CAV2: variants seen among roughly 807,000 people sequenced by gnomAD.
The protein encoded by CAV2 is caveolin-2.
In CAV2, 7 loss-of-function variants were observed where a neutral mutation model predicts 15.5. That is an observed-to-expected ratio of 0.45 (90% CI 0.26 to 0.85). The LOEUF (loss-of-function observed/expected upper bound fraction) is 0.85. Among genes scored for constraint, CAV2 ranks in the 40% least tolerant of loss-of-function variants. The probability of loss-of-function intolerance (pLI) is 0.18; values close to 1 mark genes in which losing one functional copy is unlikely to be tolerated. For missense variants in CAV2, 229 were observed against 208.8 expected (o/e 1.10, Z -0.60); for synonymous variants, 76 against 83.1 (o/e 0.91, Z 0.46).
chr7:116,502,370 T>TA (rs577554392), intron 2 of CAV2, among the ~76,000 whole-genome samples: 54 of 152,336 alleles, frequency 3.5e-4, no homozygotes, highest in Non-Finnish European at 6.3e-4. Flanking sequence ...CTTGTTTTTT[T>TA]AACTATATTT....
intron 2 of CAV2, among the ~76,000 whole-genome samples, chr7:116,503,969 GAAGGA>G (rs1793170051): frequency 6.9e-6 from 1 of 144,448 alleles, no homozygotes; most frequent in South Asian, 2.2e-4. Flanking sequence ...AAAAGAGAAA[GAAGGA>G]AAGAAAGAAA....
Position 116,506,857 on chromosome 7 carries a change from T to G in CAV2, c.*736T>G, listed in dbSNP as rs533433465. On this transcript the variant is annotated 3_prime_UTR_variant, in exon 3 of 3. Coordinates refer to ENST00000222693, the MANE Select transcript of CAV2 (RefSeq NM_001233.5). ...TAAATGTAGCTCCCACAAGGTAAAC[T>G]TCATTGGTAAGATTGCACTGTTCTG... 1 of 152,342 alleles carries G rather than the reference T, an allele frequency of 6.6e-6. No individual in the cohort carries two copies. Among genetic ancestry groups the G allele is most frequent in the South Asian group, 2.1e-4 (1 of 4,828 alleles). 9.4% of individuals were successfully genotyped at this position (152,342 alleles called of 1,614,324 possible). A position where few individuals can be genotyped will look rare whatever the true frequency, so the allele number is the denominator to read the frequency against.
At chr7:116,501,523 T>C (rs1793103592) in intron 2 of CAV2, among the ~76,000 whole-genome samples, 1 of 152,258 alleles carries the variant, frequency 6.6e-6, no homozygotes, top group Non-Finnish European at 1.5e-5. Context: ...TTTAGTCAGT[T>C]AGCTAGCTAG....
Position 116,507,169 on chromosome 7 carries a change from A to G in CAV2, c.*1048A>G, listed in dbSNP as rs1002795364. On this transcript the variant is annotated 3_prime_UTR_variant, in exon 3 of 3. Coordinates refer to ENST00000222693, the MANE Select transcript of CAV2 (RefSeq NM_001233.5). The stretch of plus-strand genomic sequence containing the variant: ...CAGTAAATGTTACTTCTGATACTTT[A>G]GTACAATTTCAACTACAGTGATTCA... 6.6e-6 allele frequency: 1 copy of G among 152,646 alleles called. No individual in the cohort carries two copies. The highest frequency in any genetic ancestry group is 1.5e-5 in the Non-Finnish European group (1 of 68,040). 9.5% of individuals were successfully genotyped at this position (152,646 alleles called of 1,614,324 possible).
At position 116,507,219 on chromosome 7, in the gene CAV2, A is replaced by G. The variant is rs1473641374; in HGVS notation, c.*1098A>G. On this transcript the variant is annotated 3_prime_UTR_variant, in exon 3 of 3. Transcript: ENST00000222693. Reference sequence around the variant, plus strand: ...ATGTAGAGAGACAGGGGAGTTGTCAACTTGGGCTACTGAACTACATGCATA... The same window carrying G: ...ATGTAGAGAGACAGGGGAGTTGTCAGCTTGGGCTACTGAACTACATGCATA... 6.6e-6 allele frequency: 1 copy of G among 152,574 alleles called. No individual in the cohort carries two copies. The highest frequency in any genetic ancestry group is 1.5e-5 in the Non-Finnish European group (1 of 68,038). 9.5% of individuals were successfully genotyped at this position (152,574 alleles called of 1,614,324 possible). A position where few individuals can be genotyped will look rare whatever the true frequency, so the allele number is the denominator to read the frequency against.
Position 116,499,910 on chromosome 7 carries a change from C to A in CAV2, c.129C>A (p.His43Gln), listed in dbSNP as rs368494243. 4.7e-5 allele frequency: 75 copies of A among 1,612,006 alleles called. No homozygotes were observed. In the South Asian group the frequency reaches 7.7e-4, roughly 17 times the overall value. Residue 43 changes from histidine (H) to glutamine (Q), a missense_variant, in exon 1 of 3, where the codon CAC becomes CAA. By Grantham distance (24) the His-to-Gln change is conservative. Coordinates refer to ENST00000222693, the MANE Select transcript of CAV2 (RefSeq NM_001233.5). The part of the protein sequence containing the change: ...FADSDQDRDP[H>Q]RLNSHLKLGF... ...ACTCGGACCAGGACCGGGATCCCCA[C>A]CGGCTCAACTCGCATCTCAAGGTGA...
intron 2 of CAV2, chr7:116,501,399 G>A (rs1318747253): frequency 6.6e-6 from 1 of 152,156 alleles, no homozygotes. Flanking sequence ...AGGTACCTCC[G>A]TGTCTTTCTT....
Position 116,500,277 on chromosome 7 carries a change from G to C in CAV2, c.168G>C (p.Val56=), listed in dbSNP as rs1793066413. 4 of 1,613,950 alleles carry C rather than the reference G, an allele frequency of 2.5e-6. No homozygotes were observed. In the South Asian group the frequency reaches 4.4e-5, roughly 18 times the overall value. The part of the protein sequence containing the change: ...NSHLKLGFED[V]IAEPVTTHSF... ...CTCCTCAGCTGGGCTTCGAGGATGT[G>C]ATCGCAGAGCCGGTGACTACGCACT... The change falls in exon 2 of 3, where the codon GTG becomes GTC. Residue 56 remains valine, a synonymous_variant. Coordinates refer to ENST00000222693, the MANE Select transcript of CAV2 (RefSeq NM_001233.5).
intron 2 of CAV2, 171 bp downstream of exon 2, chr7:116,500,618 G>C: frequency 1.6e-6 from 1 of 613,494 alleles, no homozygotes; most frequent in Non-Finnish European, 2.8e-6. Context: ...GCTTCCTTTA[G>C]AATAACAGTT....
At chr7:116,502,167 GA>G (rs145408438) in intron 2 of CAV2, among the ~76,000 whole-genome samples, 14,432 of 148,282 alleles carry the variant, frequency 0.097, 779 homozygotes, top group African/African-American at 0.14. Context: ...GAAAGAATTT[GA>G]AAAAAAAAAG....
Position 116,499,795 on chromosome 7 carries a change from C to T in CAV2, c.14C>T (p.Thr5Met), listed in dbSNP as rs762827815. Residue 5 changes from threonine (T) to methionine (M), a missense_variant, in exon 1 of 3, where the codon ACG becomes ATG. By Grantham distance (81) the Thr-to-Met change is moderately conservative. Coordinates refer to ENST00000222693, the MANE Select transcript of CAV2 (RefSeq NM_001233.5). Reference sequence around the variant, plus strand: ...ACCAAGGCTGCGATGGGGCTGGAGACGGAGAAGGCGGACGTACAGCTCTTC... The same window carrying T: ...ACCAAGGCTGCGATGGGGCTGGAGATGGAGAAGGCGGACGTACAGCTCTTC... Reference protein sequence around the residue: MGLETEKADVQLFMD... With the variant: MGLEMEKADVQLFMD... The T allele has an allele frequency of 1.1e-5, 17 of 1,576,852 alleles. No individual in the cohort carries two copies. The highest frequency in any genetic ancestry group is 2.6e-6 in the Non-Finnish European group (3 of 1,163,792).
Position 116,507,142 on chromosome 7 carries a change from T to C in CAV2, c.*1021T>C, listed in dbSNP as rs1793255960. ...GTAATATTGGTGCTATTTAACATTT[T>C]ACAGTAAATGTTACTTCTGATACTT... On this transcript the variant is annotated 3_prime_UTR_variant, in exon 3 of 3. Transcript: ENST00000222693. The C allele has an allele frequency of 1.3e-5, 2 of 152,668 alleles. No individual in the cohort carries two copies. Among genetic ancestry groups the C allele is most frequent in the South Asian group, 4.1e-4 (2 of 4,834 alleles). 9.5% of individuals were successfully genotyped at this position (152,668 alleles called of 1,614,324 possible). A position where few individuals can be genotyped will look rare whatever the true frequency, so the allele number is the denominator to read the frequency against.
intron 2 of CAV2, among the ~76,000 whole-genome samples, chr7:116,503,493 A>G (rs1793148470): frequency 6.6e-6 from 1 of 152,162 alleles, no homozygotes; most frequent in Non-Finnish European, 1.5e-5. Flanking sequence ...CTAAGGAGTC[A>G]CGGAGATAGA....
chr7:116,500,051 C>T, intron 1 of CAV2, 120 bp downstream of exon 1: 1 of 1,481,400 alleles, frequency 6.8e-7, no homozygotes, highest in Non-Finnish European at 8.9e-7. Context: ...GGTCTGAGAC[C>T]CGCACCCTTC....
In CAV2 at chr7:116,499,808, C is replaced by T. The variant is rs376022615; in HGVS notation, c.27C>T (p.Asp9=). ...TGGGGCTGGAGACGGAGAAGGCGGACGTACAGCTCTTCATGGACGACGACT... is the reference window on the plus strand; with the variant it reads ...TGGGGCTGGAGACGGAGAAGGCGGATGTACAGCTCTTCATGGACGACGACT... MGLETEKA[D]VQLFMDDDSY... Residue 9 remains aspartate (D), a synonymous_variant, in exon 1 of 3, where the codon GAC becomes GAT. Coordinates refer to ENST00000222693, the MANE Select transcript of CAV2 (RefSeq NM_001233.5). 23 of 1,591,088 alleles carry T rather than the reference C, an allele frequency of 1.4e-5. No individual in the cohort carries two copies. The East Asian group carries it at 2.5e-4, about 17-fold the overall frequency.
chr7:116,503,340 A>C (rs1165152495), intron 2 of CAV2, among the ~76,000 whole-genome samples: 1 of 152,122 alleles, frequency 6.6e-6, no homozygotes, highest in East Asian at 1.9e-4. Context: ...CTCCAAAATG[A>C]GGGAACACAA....
At chr7:116,500,148 G>A in intron 1 of CAV2, 112 bp from the exon 2 acceptor site, 1 of 1,506,116 alleles carries the variant, frequency 6.6e-7, no homozygotes, top group Middle Eastern at 2.4e-4. Context: ...TAAGAGAAGA[G>A]GCGGACGCCC....
intron 2 of CAV2, among the ~76,000 whole-genome samples, chr7:116,504,042 G>GAAAT (rs1793175225): frequency 8.9e-6 from 1 of 112,554 alleles, no homozygotes; most frequent in Non-Finnish European, 2.0e-5. Context: ...GAAAGAAAAA[G>GAAAT]AAAGAAAGAG....
At position 116,507,143 on chromosome 7, in the gene CAV2, A is replaced by C. The variant is rs758323544; in HGVS notation, c.*1022A>C. 6.6e-5 allele frequency: 10 copies of C among 152,662 alleles called. No individual in the cohort carries two copies. The highest frequency in any genetic ancestry group is 1.3e-4 in the Admixed American group (2 of 15,280). The allele number at this position is 152,662 out of a possible 1,614,324, so 9.5% of individuals were successfully genotyped here. ...TAATATTGGTGCTATTTAACATTTT[A>C]CAGTAAATGTTACTTCTGATACTTT... On this transcript the variant is annotated 3_prime_UTR_variant, in exon 3 of 3. Coordinates refer to ENST00000222693, the MANE Select transcript of CAV2 (RefSeq NM_001233.5).
Sources: gnomAD v4.1 joint callset for allele counts (sites outside exome capture counted in the v4.1 genomes callset) on GRCh38, gnomAD v4.1.1 for gene constraint, MANE v1.5 for transcripts, NCBI Gene and HGNC (gene_info 2026-07-23, HGNC 2026-07-21) for gene names.